LRRC1: variants seen among roughly 807,000 people sequenced by gnomAD.
The protein encoded by LRRC1 is leucine rich repeat containing 1, also known as leucine-rich repeat-containing protein 1.
LRRC1 carries 28 observed loss-of-function variants against 69.9 expected under a neutral mutation model. The ratio of observed to expected loss-of-function variants is 0.40; its 90% confidence interval spans 0.30 to 0.55. The LOEUF is 0.55. Among genes scored for constraint, LRRC1 ranks in the 20% least tolerant of loss-of-function variants. The probability of loss-of-function intolerance (pLI) is 0.47; values close to 1 mark genes in which losing one functional copy is unlikely to be tolerated. For synonymous variants in LRRC1, 236 were observed against 240.2 expected, an observed-to-expected ratio of 0.98 and a Z score of 0.16; for missense variants, 498 against 609.0, an observed-to-expected ratio of 0.82 and a Z score of 1.92.
rs762160200 is a variant in LRRC1 at position 53,922,646 on chromosome 6, A to C, written c.1428A>C (p.Leu476=). 6.2e-6 allele frequency: 10 copies of C among 1,613,754 alleles called. No homozygotes were observed. The highest frequency in any genetic ancestry group is 8.5e-6 in the Non-Finnish European group (10 of 1,179,774). The part of the protein sequence containing the change: ...DEEDNETRTL[L]RRATPHPGEL... ...CTGTTTGTTTTTAGAGAACACTTCT[A>C]AGGCGAGCCACTCCACACCCAGGGG... The change falls in exon 14 of 14, where the codon CTA becomes CTC. Residue 476 remains leucine (L), a synonymous_variant. Transcript: ENST00000370888.
At chr6:53,830,125 G>A (rs1462808135) in intron 1 of LRRC1, among the ~76,000 whole-genome samples, 2 of 152,278 alleles carry the variant, frequency 1.3e-5, no homozygotes, top group African/African-American at 4.8e-5. Flanking sequence ...GGTGGCCTGC[G>A]GGCCACTACC....
At chr6:53,891,353 T>C (rs1767673526) in intron 4 of LRRC1, among the ~76,000 whole-genome samples, 1 of 152,120 alleles carries the variant, frequency 6.6e-6, no homozygotes, top group Non-Finnish European at 1.5e-5. Flanking sequence ...GAAATGTTTA[T>C]TAATAGGGTT....
At chr6:53,833,875 A>C (rs1765532585) in intron 1 of LRRC1, among the ~76,000 whole-genome samples, 1 of 152,236 alleles carries the variant, frequency 6.6e-6, no homozygotes, top group Admixed American at 6.5e-5. Flanking sequence ...CTATTAGTAC[A>C]TGAATATAAA....
At chr6:53,865,739 T>TG (rs1442343545) in intron 2 of LRRC1, among the ~76,000 whole-genome samples, 1 of 151,630 alleles carries the variant, frequency 6.6e-6, no homozygotes, top group Admixed American at 6.6e-5. Context: ...CTTTTTTTTT[T>TG]TGAGACAGAG....
intron 2 of LRRC1, among the ~76,000 whole-genome samples, chr6:53,868,805 C>G (rs559164687): frequency 6.6e-6 from 1 of 152,276 alleles, no homozygotes; most frequent in South Asian, 2.1e-4. Flanking sequence ...ACCTGTTGTT[C>G]AGGCAGACTG....
intron 2 of LRRC1, among the ~76,000 whole-genome samples, chr6:53,868,323 G>A (rs1182560278): frequency 3.3e-5 from 5 of 151,522 alleles, no homozygotes; most frequent in Non-Finnish European, 7.4e-5. Flanking sequence ...CCGCGTTTAA[G>A]CGATTCTCCT....
intron 4 of LRRC1, among the ~76,000 whole-genome samples, 157 bp downstream of exon 4, chr6:53,883,133 T>C (rs1767356313): frequency 6.6e-6 from 1 of 152,216 alleles, no homozygotes. Context: ...GCCAGCCTCC[T>C]ATGTTTTTGC....
intron 3 of LRRC1, 148 bp from the exon 4 acceptor site, chr6:53,882,739 G>T (rs1289084713): frequency 1.8e-6 from 1 of 555,128 alleles, no homozygotes; most frequent in East Asian, 3.3e-5. Flanking sequence ...TTATATATAG[G>T]AAGACAAGGC....
chr6:53,871,580 G>T (rs1301105877), intron 2 of LRRC1, among the ~76,000 whole-genome samples: 1 of 152,114 alleles, frequency 6.6e-6, no homozygotes, highest in Non-Finnish European at 1.5e-5. Context: ...CTGTCATTTT[G>T]TAGGTCGTCT....
At chr6:53,906,749 G>A (rs1768252028) in intron 10 of LRRC1, among the ~76,000 whole-genome samples, 1 of 152,176 alleles carries the variant, frequency 6.6e-6, no homozygotes, top group African/African-American at 2.4e-5. Flanking sequence ...GTCATATTTT[G>A]TCCATTTTCT....
At chr6:53,896,302 T>G (rs533589139) in intron 4 of LRRC1, among the ~76,000 whole-genome samples, 196 bp from the exon 5 acceptor site, 1 of 152,298 alleles carries the variant, frequency 6.6e-6, no homozygotes, top group African/African-American at 2.4e-5. Flanking sequence ...ATCTTAAGAT[T>G]ACAATTTGAG....
At chr6:53,905,532 T>TA (rs1353312431) in intron 10 of LRRC1, among the ~76,000 whole-genome samples, 2 of 152,114 alleles carry the variant, frequency 1.3e-5, no homozygotes, top group East Asian at 3.9e-4. Context: ...CCTTGGATGA[T>TA]ATGATCACTG....
chr6:53,922,595 G>T, intron 13 of LRRC1, 40 bp from the exon 14 acceptor site: 1 of 1,555,376 alleles, frequency 6.4e-7, no homozygotes. Context: ...AAAAAGTAGT[G>T]GAATAAAACC....
intron 8 of LRRC1, among the ~76,000 whole-genome samples, 168 bp from the exon 9 acceptor site, chr6:53,902,461 A>G (rs559502103): frequency 5.9e-5 from 9 of 152,276 alleles, no homozygotes; most frequent in African/African-American, 1.9e-4. Context: ...TTAACTCCCA[A>G]CCTTCAGTGA....
Position 53,842,179 on chromosome 6 carries a change from G to C in LRRC1, c.229G>C (p.Glu77Gln). Residue 77 changes from glutamate to glutamine, a missense_variant, in exon 2 of 14, where the codon GAA becomes CAA. This residue lies in a region of LRRC1 where 266 missense variants were observed against 383.9 expected (regional missense o/e 0.69). Coordinates refer to ENST00000370888, the MANE Select transcript of LRRC1 (RefSeq NM_018214.5). ...SDNEIQRLPP[E>Q]IANFMQLVEL... ...TAATGAAATTCAGCGGCTCCCTCCA[G>C]AAATAGCAAACTTCATGCAGCTGGT... The C allele has an allele frequency of 1.2e-6, 2 of 1,614,042 alleles. No individual in the cohort carries two copies. The highest frequency in any genetic ancestry group is 2.2e-5 in the South Asian group (2 of 91,080).
At position 53,824,174 on chromosome 6, in the gene LRRC1, A is replaced by G. The variant is rs1262122979; in HGVS notation, c.160-17936A>G. 4.6e-5 allele frequency among the ~76,000 whole-genome samples: 7 copies of G among 151,780 alleles called. No homozygotes were observed. The East Asian group carries it at 9.6e-4, about 21-fold the overall frequency. ...GCAGATGTTATTTTTTGACTTTTCAATAATAGCCATTCTGATTGGTGTGAG... is the reference window on the plus strand; with the variant it reads ...GCAGATGTTATTTTTTGACTTTTCAGTAATAGCCATTCTGATTGGTGTGAG... On this transcript the variant is annotated intron_variant, in intron 1 of 13. Transcript: ENST00000370888.
intron 3 of LRRC1, among the ~76,000 whole-genome samples, 176 bp downstream of exon 3, chr6:53,879,247 C>T (rs1454660940): frequency 1.3e-5 from 2 of 152,128 alleles, no homozygotes; most frequent in African/African-American, 4.8e-5. Context: ...CAATGAAAGG[C>T]GTACTATTCT....
chr6:53,836,542 C>T (rs1765618067), intron 1 of LRRC1, among the ~76,000 whole-genome samples: 1 of 152,068 alleles, frequency 6.6e-6, no homozygotes, highest in Non-Finnish European at 1.5e-5. Context: ...TGCCATTGCT[C>T]TTTAATATTA....
At chr6:53,795,475 A>G in intron 1 of LRRC1, 60 bp downstream of exon 1, 1 of 1,518,324 alleles carries the variant, frequency 6.6e-7, no homozygotes, top group Non-Finnish European at 8.8e-7. Context: ...TTCCGCTCCC[A>G]TCCTCTCTCG....
Sources: allele counts gnomAD v4.1 joint callset (sites outside exome capture counted in the v4.1 genomes callset), GRCh38; gene constraint gnomAD v4.1.1; regional missense constraint gnomAD v4.1.1; transcripts MANE v1.5; gene names NCBI Gene and HGNC (gene_info 2026-07-23, HGNC 2026-07-21).